The following BRD8 variants were observed in gnomAD, a reference collection of about 807,000 sequenced individuals.
BRD8 encodes the protein bromodomain-containing protein 8.
BRD8 carries 67 observed loss-of-function variants against 143.1 expected under a neutral mutation model. The ratio of observed to expected loss-of-function variants is 0.47; its 90% CI spans 0.38 to 0.57. BRD8 has a LOEUF of 0.57. BRD8 is among the 20% of genes least tolerant of loss of function. The pLI is 0.00. For missense variants in BRD8, 1,103 were observed against 1,503.0 expected, an observed-to-expected ratio of 0.73 and a Z score of 4.40; for synonymous variants, 505 against 517.1, an observed-to-expected ratio of 0.98 and a Z score of 0.32.
intron 20 of BRD8, among the ~76,000 whole-genome samples, chr5:138,155,477 CAGG>C (rs1253470589): frequency 6.6e-6 from 1 of 150,832 alleles, no homozygotes; most frequent in Non-Finnish European, 1.5e-5. Flanking sequence ...TTTAGTTGGC[CAGG>C]AGCAGTCACT....
At chr5:138,153,865 G>A (rs1051403126) in intron 20 of BRD8, among the ~76,000 whole-genome samples, 17 of 151,510 alleles carry the variant, frequency 1.1e-4, no homozygotes, top group African/African-American at 2.4e-4. Flanking sequence ...TTATAGAGAC[G>A]GGGTTTCACC....
intron 23 of BRD8, among the ~76,000 whole-genome samples, chr5:138,147,798 T>A (rs969757714): frequency 5.3e-5 from 8 of 152,012 alleles, no homozygotes; most frequent in African/African-American, 1.9e-4. Context: ...ATCAGCTGGT[T>A]GTGGTGGTGC....
intron 2 of BRD8, among the ~76,000 whole-genome samples, chr5:138,172,557 G>T: frequency 1.6e-5 from 2 of 126,386 alleles, no homozygotes; most frequent in East Asian, 2.7e-4. Context: ...GCCAATGAAT[G>T]CGAGGTGTGC....
chr5:138,150,967 T>C lies in BRD8; in HGVS notation c.2898A>G (p.Glu966=). ...LMEPLCISSN[E]SSEGCCPPSG... The stretch of plus-strand genomic sequence containing the variant: ...ATGGAGGGCAGCAGCCTTCACTTGA[T>C]TCGTTGCTGCTGATGCACAAGGGCT... The change falls in exon 22 of 27, where the codon GAA becomes GAG. Residue 966 remains glutamate (E), a synonymous_variant. Transcript: ENST00000254900. The C allele has an allele frequency of 6.2e-7, 1 of 1,613,978 alleles. No individual in the cohort carries two copies. Among genetic ancestry groups the C allele is most frequent in the Non-Finnish European group, 8.5e-7 (1 of 1,180,014 alleles).
At chr5:138,157,574 C>G in intron 20 of BRD8, 1 of 353,998 alleles carries the variant, frequency 2.8e-6, no homozygotes, top group Non-Finnish European at 5.2e-6. Flanking sequence ...TGCAAAGGAG[C>G]AGGAGAGTAA....
Position 138,163,278 on chromosome 5 carries a change from C to T in BRD8, c.1939G>A (p.Glu647Lys). ...SEAASLEEPKEEDQGEGYLSE... is the reference protein window; with the variant it reads ...SEAASLEEPKKEDQGEGYLSE... ...AAGTAGCCTTCTCCTTGATCCTCTT[C>T]CTTAGGCTCCTCTAGGCTGGCCGCT... The change falls in exon 15 of 27, where the codon GAA (glutamate) becomes AAA (lysine). Residue 647 changes from glutamate (E) to lysine (K), a missense_variant. Coordinates refer to ENST00000254900, the MANE Select transcript of BRD8 (RefSeq NM_139199.2). 1 of 1,614,184 alleles carries T rather than the reference C, an allele frequency of 6.2e-7. No individual in the cohort carries two copies. Among genetic ancestry groups the T allele is most frequent in the Non-Finnish European group, 8.5e-7 (1 of 1,180,026 alleles).
At chr5:138,153,415 TATTA>T (rs1213806745) in intron 20 of BRD8, among the ~76,000 whole-genome samples, 2 of 152,158 alleles carry the variant, frequency 1.3e-5, no homozygotes, top group African/African-American at 4.8e-5. Flanking sequence ...TCTGCTTTCT[TATTA>T]ATGTATTTTA....
chr5:138,176,629 G>A (rs1275923135), intron 2 of BRD8, among the ~76,000 whole-genome samples: 1 of 152,024 alleles, frequency 6.6e-6, no homozygotes, highest in Non-Finnish European at 1.5e-5. Context: ...GTGGTGAGGA[G>A]GGGACAACAT....
chr5:138,163,421 T>C (rs1753160075), intron 14 of BRD8, 77 bp from the exon 15 acceptor site: 1 of 1,544,448 alleles, frequency 6.5e-7, no homozygotes, highest in Non-Finnish European at 8.9e-7. Flanking sequence ...GATCTGTCTT[T>C]TGGGTTAGAA....
intron 25 of BRD8, 53 bp downstream of exon 25, chr5:138,145,124 T>G: frequency 2.0e-6 from 3 of 1,514,782 alleles, no homozygotes; most frequent in Non-Finnish European, 2.7e-6. Flanking sequence ...AAATAAAAAA[T>G]GAAAAGGCAG....
chr5:138,167,879 AG>A lies in BRD8; in HGVS notation c.787+54del, dbSNP rs1378588733. 2.0e-6 allele frequency: 3 copies of A among 1,498,560 alleles called. No individual in the cohort carries two copies. In the African/African-American group the frequency reaches 4.1e-5, roughly 21 times the overall value. The allele number at this position is 1,498,560 out of a possible 1,614,324, so 92.8% of individuals were successfully genotyped here. On this transcript the variant is annotated intron_variant, in intron 9 of 26. Coordinates refer to ENST00000254900, the MANE Select transcript of BRD8 (RefSeq NM_139199.2). ...GCTTAGTAACAGTGAAACTGAGGTC[AG>A]TCAATGTCAAGTTCAACACCTTTGA...
rs560455703 is a variant in BRD8, at chr5:138,167,450, CT to C, written c.787+483del. Among the ~76,000 whole-genome samples the C allele has an allele frequency of 4.5e-3, 689 of 152,214 alleles. 4 individuals are homozygous for C. Among genetic ancestry groups the C allele is most frequent in the Non-Finnish European group, 5.9e-3 (401 of 68,000 alleles). ...AAGGTTTGTATGGTATTCTATGGAGCTTTTTTTATTTCCCTGCTTTATACTT... is the reference window on the plus strand; with the variant it reads ...AAGGTTTGTATGGTATTCTATGGAGCTTTTTTATTTCCCTGCTTTATACTT... On this transcript the variant is annotated intron_variant, in intron 9 of 26. Coordinates refer to ENST00000254900, the MANE Select transcript of BRD8 (RefSeq NM_139199.2).
intron 2 of BRD8, among the ~76,000 whole-genome samples, chr5:138,175,199 TA>T (rs1296224542): frequency 6.6e-6 from 1 of 152,202 alleles, no homozygotes; most frequent in Non-Finnish European, 1.5e-5. Flanking sequence ...CTTAAGTTTT[TA>T]ACCCATTTCT....
intron 10 of BRD8, 33 bp downstream of exon 10, chr5:138,166,485 A>C (rs1753433426): frequency 2.0e-6 from 3 of 1,466,992 alleles, no homozygotes; most frequent in African/African-American, 2.8e-5. Context: ...CTCAAAATGA[A>C]ATTTTAGATC....
chr5:138,156,023 C>T (rs1484291046), intron 20 of BRD8, among the ~76,000 whole-genome samples: 2 of 151,782 alleles, frequency 1.3e-5, no homozygotes, highest in Non-Finnish European at 2.9e-5. Flanking sequence ...TACAGGTGCA[C>T]ACCACCATGC....
chr5:138,140,360 TAATAACAACAGATG>T (rs1751853760), intron 26 of BRD8, among the ~76,000 whole-genome samples, 194 bp from the exon 27 acceptor site: 1 of 152,196 alleles, frequency 6.6e-6, no homozygotes, highest in East Asian at 1.9e-4. Flanking sequence ...GAACGTACAT[TAATAACAACAGATG>T]AAGCAACCAA....
Position 138,140,098 on chromosome 5 carries a change from C to G in BRD8, c.3684G>C (p.Val1228=), listed in dbSNP as rs423258. 22 of 1,613,338 alleles carry G rather than the reference C, an allele frequency of 1.4e-5. No homozygotes were observed. Among genetic ancestry groups the G allele is most frequent in the Non-Finnish European group, 1.7e-5 (20 of 1,179,452 alleles). Residue 1228 remains valine (V), a synonymous_variant, in exon 27 of 27, where the codon GTG becomes GTC. Transcript: ENST00000254900. ...SSLEGEPANP[V]DDGKPVF ...GTTAGAAAACAGGTTTTCCATCATC[C>G]ACTGGGTTAGCTGGTTCTCCTTCCA...
chr5:138,142,460 C>T (rs567874508), intron 25 of BRD8, among the ~76,000 whole-genome samples: 1 of 152,174 alleles, frequency 6.6e-6, no homozygotes, highest in East Asian at 1.9e-4. Context: ...TTTAGATGAC[C>T]TATGCTATAA....
chr5:138,147,281 G>A (rs976006897), intron 23 of BRD8, among the ~76,000 whole-genome samples: 2 of 146,258 alleles, frequency 1.4e-5, no homozygotes, highest in East Asian at 4.0e-4. Context: ...AGAAAAAAAA[G>A]AAATCTGCTC....
Sources: allele counts gnomAD v4.1 joint callset (sites outside exome capture counted in the v4.1 genomes callset), GRCh38; gene constraint gnomAD v4.1.1; transcripts MANE v1.5; gene names NCBI Gene and HGNC (gene_info 2026-07-23, HGNC 2026-07-21).